The following OXNAD1 variants were observed in gnomAD, a reference collection of about 807,000 sequenced individuals.
OXNAD1 encodes oxidoreductase NAD-binding domain-containing protein 1.
A neutral mutation model predicts 32.9 loss-of-function variants in OXNAD1; 34 were observed. The ratio of observed to expected loss-of-function variants is 1.03; its 90% CI spans 0.79 to 1.38. OXNAD1 has a LOEUF of 1.38. OXNAD1 is among the 40% of genes most tolerant of loss of function. OXNAD1 has a pLI of 0.00. For synonymous variants in OXNAD1, 134 were observed against 135.2 expected (o/e 0.99, Z 0.06); for missense variants, 407 against 379.4 (o/e 1.07, Z -0.60).
At position 16,312,240 on chromosome 3, in the gene OXNAD1, C is replaced by T. The variant is rs748951748; in HGVS notation, c.*30+8648C>T. On this transcript the variant is annotated intron_variant, in intron 9 of 9. Transcript: ENST00000435829. This position sits in a 1 kb window ranked among gnomAD's most constrained non-coding sequence, Gnocchi z 4.7. ...CTTGTCCTTAGATCTCATGTCCACA[C>T]ACTTCCCTGTTCAAAACTCTAGGAG... Among the ~76,000 whole-genome samples the T allele has an allele frequency of 2.6e-5, 4 of 152,202 alleles. No homozygotes were observed. Among genetic ancestry groups the T allele is most frequent in the African/African-American group, 4.8e-5 (2 of 41,444 alleles).
downstream of OXNAD1, among the ~76,000 whole-genome samples, chr3:16,306,990 T>C (rs549928487): frequency 3.9e-5 from 6 of 152,352 alleles, no homozygotes; most frequent in South Asian, 1.0e-3. Context: ...TCATTAAGGA[T>C]TAATTATCCA....
rs2067256722 is a variant in OXNAD1, at chr3:16,302,513, T to C, written c.676-127T>C. 1.5e-6 allele frequency: 1 copy of C among 650,072 alleles called. No individual in the cohort carries two copies. Among genetic ancestry groups the C allele is most frequent in the Non-Finnish European group, 2.7e-6 (1 of 369,600 alleles). 40.3% of individuals were successfully genotyped at this position (650,072 alleles called of 1,614,324 possible). A position where few individuals can be genotyped will look rare whatever the true frequency, so the allele number is the denominator to read the frequency against. ...GGCCTGCTAGGCTGCAAACAATATC[T>C]CTCTAAGTAGAGAGCGAGAGCGGCA... On this transcript the variant is annotated intron_variant, in intron 7 of 8. Transcript: ENST00000285083. The surrounding 1 kb of genome is among the most constrained non-coding windows in gnomAD (Gnocchi z 4.2).
At position 16,277,422 on chromosome 3, in the gene OXNAD1, C is replaced by T. The variant is rs2065429654; in HGVS notation, c.183+5700C>T. 1.3e-5 allele frequency among the ~76,000 whole-genome samples: 2 copies of T among 152,228 alleles called. No homozygotes were observed. The highest frequency in any genetic ancestry group is 2.4e-5 in the African/African-American group (1 of 41,452). On this transcript the variant is annotated intron_variant, in intron 4 of 8. Coordinates refer to ENST00000285083, the MANE Select transcript of OXNAD1 (RefSeq NM_138381.5). The surrounding 1 kb of genome is among the most constrained non-coding windows in gnomAD (Gnocchi z 4.3). ...ACCCTGGACTCGTTGAAATGAATGG[C>T]ACCTCAGGTTTGGCCATAACAGAAC...
At chr3:16,343,327 TAC>T (rs1389579434) in intron 9 of OXNAD1, among the ~76,000 whole-genome samples, 1 of 152,210 alleles carries the variant, frequency 6.6e-6, no homozygotes, top group African/African-American at 2.4e-5. Flanking sequence ...GAGTTCCACA[TAC>T]ACTCTCCAAT....
chr3:16,266,546 T>TGAGCTGA (rs2064520868), intron 1 of OXNAD1, among the ~76,000 whole-genome samples: 1 of 133,386 alleles, frequency 7.5e-6, no homozygotes, highest in African/African-American at 2.9e-5. Flanking sequence ...GAGATTGCAG[T>TGAGCTGA]GAGCTGAGAT....
chr3:16,326,883 G>A (rs752070230), intron 9 of OXNAD1: 22 of 1,610,756 alleles, frequency 1.4e-5, no homozygotes, highest in African/African-American at 5.3e-5. Flanking sequence ...CACCCTGGGG[G>A]AACAAGGCCA....
Position 16,289,243 on chromosome 3 carries a change from G to A in OXNAD1, c.290+2795G>A, listed in dbSNP as rs1384329169. On this transcript the variant is annotated intron_variant, in intron 5 of 8. Transcript: ENST00000285083. This position sits in a 1 kb window ranked among gnomAD's most constrained non-coding sequence, Gnocchi z 4.9. Reference sequence around the variant, plus strand: ...GACAGATTCCAATTCTTATCTCCTTGGTCAGTTTCCCTGCACTGAAGCTGT... The same window carrying A: ...GACAGATTCCAATTCTTATCTCCTTAGTCAGTTTCCCTGCACTGAAGCTGT... Among the ~76,000 whole-genome samples, 2 of 152,166 alleles carry A rather than the reference G, an allele frequency of 1.3e-5. No individual in the cohort carries two copies. Among genetic ancestry groups the A allele is most frequent in the African/African-American group, 2.4e-5 (1 of 41,432 alleles).
Position 16,322,192 on chromosome 3 carries a change from C to T in OXNAD1, c.*31-14920C>T, listed in dbSNP as rs2069140003. Among the ~76,000 whole-genome samples, 1 of 152,212 alleles carries T rather than the reference C, an allele frequency of 6.6e-6. No individual in the cohort carries two copies. The highest frequency in any genetic ancestry group is 1.5e-5 in the Non-Finnish European group (1 of 68,040). The stretch of plus-strand genomic sequence containing the variant: ...CCTGCTCCTGGTGGTTGATGGTGGG[C>T]TGGCAGTTCCCTTCTGGTCCATTGT... On this transcript the variant is annotated intron_variant, in intron 9 of 9. Coordinates refer to the OXNAD1 transcript ENST00000435829. The surrounding 1 kb of genome is among the most constrained non-coding windows in gnomAD (Gnocchi z 6.2).
chr3:16,295,088 C>T (rs2066689257), intron 6 of OXNAD1, 91 bp downstream of exon 6: 1 of 1,423,516 alleles, frequency 7.0e-7, no homozygotes, highest in African/African-American at 1.4e-5. Context: ...CCTAAGAAAC[C>T]TGGGCTTGAG....
At position 16,271,998 on chromosome 3, in the gene OXNAD1, A is replaced by G. The variant is rs909247179; in HGVS notation, c.183+276A>G. ...AACTGAGGGAGCCATCCTCACAGGT[A>G]TGATGTTTAGGGTTATGTTTTAGCA... is the stretch of plus-strand genomic sequence containing the variant. On this transcript the variant is annotated intron_variant, in intron 4 of 8. Coordinates refer to ENST00000285083, the MANE Select transcript of OXNAD1 (RefSeq NM_138381.5). This position sits in a 1 kb window ranked among gnomAD's most constrained non-coding sequence, Gnocchi z 4.6. 9 of 507,574 alleles carry G rather than the reference A, an allele frequency of 1.8e-5. No homozygotes were observed. The highest frequency in any genetic ancestry group is 2.8e-5 in the Non-Finnish European group (8 of 283,982). The allele number at this position is 507,574 out of a possible 1,614,324, so 31.4% of individuals were successfully genotyped here.
intron 2 of OXNAD1, 82 bp downstream of exon 2, chr3:16,269,357 G>T: frequency 2.1e-6 from 3 of 1,437,942 alleles, no homozygotes. Flanking sequence ...TACGTTTAGT[G>T]GTCTTGAATG....
chr3:16,271,188 C>T lies in OXNAD1; in HGVS notation c.119+117C>T, dbSNP rs996463505. On this transcript the variant is annotated intron_variant, in intron 3 of 8. Coordinates refer to ENST00000285083, the MANE Select transcript of OXNAD1 (RefSeq NM_138381.5). This position sits in a 1 kb window ranked among gnomAD's most constrained non-coding sequence, Gnocchi z 4.6. The stretch of plus-strand genomic sequence containing the variant: ...AAGGTAACACCTTAGCTTCAATGTG[C>T]ATGCTGTCAGGTTGTTAACCGTTTT... 8.8e-6 allele frequency: 11 copies of T among 1,244,828 alleles called. No individual in the cohort carries two copies. The highest frequency in any genetic ancestry group is 1.7e-5 in the African/African-American group (1 of 59,274). The allele number at this position is 1,244,828 out of a possible 1,614,324, so 77.1% of individuals were successfully genotyped here.
chr3:16,299,874 T>G lies in OXNAD1; in HGVS notation c.433-1752T>G, dbSNP rs2067056502. Among the ~76,000 whole-genome samples, 1 of 152,230 alleles carries G rather than the reference T, an allele frequency of 6.6e-6. No homozygotes were observed. Among genetic ancestry groups the G allele is most frequent in the South Asian group, 2.1e-4 (1 of 4,836 alleles). ...GGAAGCTGGTATTGCCAGCACTTTT[T>G]CTTTTGTGACAGCTGCAATGACCAA... On this transcript the variant is annotated intron_variant, in intron 6 of 8. Transcript: ENST00000285083. This position sits in a 1 kb window ranked among gnomAD's most constrained non-coding sequence, Gnocchi z 4.4.
At chr3:16,267,325 C>T (rs1030875025) in intron 1 of OXNAD1, among the ~76,000 whole-genome samples, 21 of 152,180 alleles carry the variant, frequency 1.4e-4, no homozygotes, top group African/African-American at 5.1e-4. Flanking sequence ...CTTGAGCAGT[C>T]CTTTAAAAAT....
Position 16,345,254 on chromosome 3 carries a change from AAGT to A in OXNAD1, c.*31-3919_*31-3917del, listed in dbSNP as rs1286365529. 8.0e-6 allele frequency: 1 copy of A among 124,540 alleles called. No homozygotes were observed. Among genetic ancestry groups the A allele is most frequent in the African/African-American group, 4.0e-5 (1 of 25,222 alleles). 7.7% of individuals were successfully genotyped at this position (124,540 alleles called of 1,614,324 possible). On this transcript the variant is annotated intron_variant, in intron 9 of 9. Coordinates refer to the OXNAD1 transcript ENST00000606098. The surrounding 1 kb of genome is among the most constrained non-coding windows in gnomAD (Gnocchi z 5.2). ...TGGCCCACAGAAACTGTAAGATAAT[AAGT>A]AGGTGGTTGTGTGTGTGTGTGTGTG...
At chr3:16,324,439 G>T (rs952391849) in intron 9 of OXNAD1, among the ~76,000 whole-genome samples, 1 of 152,038 alleles carries the variant, frequency 6.6e-6, no homozygotes, top group Admixed American at 6.6e-5. Context: ...TTGCCCATCC[G>T]CCCCACTCCC....
At position 16,277,749 on chromosome 3, in the gene OXNAD1, C is replaced by T. The variant is rs541669139; in HGVS notation, c.183+6027C>T. Among the ~76,000 whole-genome samples, 60 of 152,296 alleles carry T rather than the reference C, an allele frequency of 3.9e-4. No homozygotes were observed. Among genetic ancestry groups the T allele is most frequent in the African/African-American group, 1.3e-3 (55 of 41,564 alleles). ...GCATGTATTTCCTCTGGAAAGTTTA[C>T]TGAATGACCATTTATGATGTTTATG... On this transcript the variant is annotated intron_variant, in intron 4 of 8. Coordinates refer to ENST00000285083, the MANE Select transcript of OXNAD1 (RefSeq NM_138381.5). The surrounding 1 kb of genome is among the most constrained non-coding windows in gnomAD (Gnocchi z 4.3).
rs932606308 is a variant in OXNAD1 at position 16,323,526 on chromosome 3, T to C, written c.*31-13586T>C. 5 of 1,113,254 alleles carry C rather than the reference T, an allele frequency of 4.5e-6. No homozygotes were observed. In the African/African-American group the frequency reaches 8.0e-5, roughly 18 times the overall value. The allele number at this position is 1,113,254 out of a possible 1,614,324, so 69.0% of individuals were successfully genotyped here. A position where few individuals can be genotyped will look rare whatever the true frequency, so the allele number is the denominator to read the frequency against. The stretch of plus-strand genomic sequence containing the variant: ...GGAACCCAAAACCTGACACAGATGT[T>C]GCCATCCCTAATTTCATCAAAGCAG... On this transcript the variant is annotated intron_variant, in intron 9 of 9. Coordinates refer to the OXNAD1 transcript ENST00000435829.
intron 1 of OXNAD1, among the ~76,000 whole-genome samples, chr3:16,267,434 A>C (rs551820168): frequency 6.6e-6 from 1 of 152,186 alleles, no homozygotes; most frequent in South Asian, 2.1e-4. Flanking sequence ...AGACTGCTGG[A>C]CTTCATCTCA....
Sources: allele counts gnomAD v4.1 joint callset (sites outside exome capture counted in the v4.1 genomes callset), GRCh38; gene constraint gnomAD v4.1.1; non-coding constraint Gnocchi (gnomAD v3.1); transcripts MANE v1.5; gene names NCBI Gene and HGNC (gene_info 2026-07-23, HGNC 2026-07-21).